PPM1H: variants seen among roughly 807,000 people sequenced by gnomAD.
PPM1H encodes the protein protein phosphatase, Mg2+/Mn2+ dependent 1H.
Under a neutral mutation model 54.9 loss-of-function variants are expected in PPM1H, and 27 were observed. The observed-to-expected ratio is 0.49, with a 90% CI of 0.36 to 0.68. PPM1H has a LOEUF of 0.68. Ranked by LOEUF, PPM1H falls within the 30% of genes least tolerant of loss-of-function variation. The pLI is 0.00. For missense variants in PPM1H, 596 were observed against 667.8 expected (o/e 0.89, Z 1.19); for synonymous variants, 305 against 270.8 (o/e 1.13, Z -1.24).
chr12:62,687,263 A>C (rs1457031365), intron 8 of PPM1H, among the ~76,000 whole-genome samples: 1 of 151,970 alleles, frequency 6.6e-6, no homozygotes, highest in African/African-American at 2.4e-5. Flanking sequence ...TATCTCTTCT[A>C]ATATTATTAC....
chr12:62,840,753 T>C (rs1592628968), intron 1 of PPM1H, among the ~76,000 whole-genome samples: 1 of 152,302 alleles, frequency 6.6e-6, no homozygotes, highest in East Asian at 1.9e-4. Flanking sequence ...CCACGAAATT[T>C]TATAGGAGCT....
intron 2 of PPM1H, among the ~76,000 whole-genome samples, chr12:62,819,952 G>A (rs2076892274): frequency 2.0e-5 from 3 of 152,194 alleles, no homozygotes; most frequent in Admixed American, 1.3e-4. Context: ...CAAAGAGGGC[G>A]AGCCGAAGCA....
At chr12:62,827,004 T>C (rs1868298497) in intron 2 of PPM1H, among the ~76,000 whole-genome samples, 1 of 152,218 alleles carries the variant, frequency 6.6e-6, no homozygotes, top group South Asian at 2.1e-4. Context: ...ACTGTCATCA[T>C]GTTTCTGTTA....
chr12:62,693,035 T>C (rs557416398), intron 7 of PPM1H, among the ~76,000 whole-genome samples: 14 of 152,184 alleles, frequency 9.2e-5, no homozygotes, highest in South Asian at 2.1e-4. Flanking sequence ...TCGTATCGAA[T>C]GCTGGAAAAA....
intron 9 of PPM1H, among the ~76,000 whole-genome samples, chr12:62,649,462 T>G (rs2075804536): frequency 6.6e-6 from 1 of 152,170 alleles, no homozygotes; most frequent in African/African-American, 2.4e-5. Context: ...GGTATGGGCC[T>G]GGGTTAGCCC....
intron 2 of PPM1H, among the ~76,000 whole-genome samples, chr12:62,817,860 A>C (rs1242354685): frequency 2.0e-5 from 3 of 152,164 alleles, no homozygotes; most frequent in Admixed American, 2.0e-4. Context: ...TCCTCTGCTG[A>C]GAAAGATAAT....
At chr12:62,906,042 A>G (rs1871293173) in intron 1 of PPM1H, among the ~76,000 whole-genome samples, 2 of 152,194 alleles carry the variant, frequency 1.3e-5, no homozygotes, top group Non-Finnish European at 2.9e-5. Context: ...CAAATTGTGG[A>G]CAAATATAAA....
intron 1 of PPM1H, among the ~76,000 whole-genome samples, chr12:62,899,630 A>C (rs979760977): frequency 4.6e-5 from 7 of 152,216 alleles, no homozygotes; most frequent in African/African-American, 1.7e-4. Flanking sequence ...CCGCAGGGAC[A>C]GGCCAGCTTT....
At chr12:62,706,509 A>C (rs1003679178) in intron 6 of PPM1H, among the ~76,000 whole-genome samples, 2 of 152,224 alleles carry the variant, frequency 1.3e-5, no homozygotes, top group African/African-American at 4.8e-5. Flanking sequence ...CACATACCCC[A>C]ATGTTTATTA....
At chr12:62,771,138 T>C (rs956390565) in intron 4 of PPM1H, among the ~76,000 whole-genome samples, 1 of 148,312 alleles carries the variant, frequency 6.7e-6, no homozygotes, top group African/African-American at 2.5e-5. Flanking sequence ...AAAGGCTTTG[T>C]TGAAAAAGGA....
At chr12:62,680,538 T>C (rs1472525414) in intron 8 of PPM1H, among the ~76,000 whole-genome samples, 1 of 152,186 alleles carries the variant, frequency 6.6e-6, no homozygotes, top group African/African-American at 2.4e-5. Flanking sequence ...AGCTGCTATG[T>C]TCTGGGAAGT....
chr12:62,763,811 C>T (rs342150), intron 4 of PPM1H, among the ~76,000 whole-genome samples: 54,124 of 152,046 alleles, frequency 0.36, 9,806 homozygotes, highest in Middle Eastern at 0.47. Context: ...AGACCTAAAC[C>T]TGAGGGGTTC....
intron 3 of PPM1H, among the ~76,000 whole-genome samples, chr12:62,798,375 T>C (rs1247602516): frequency 6.6e-6 from 1 of 152,190 alleles, no homozygotes; most frequent in Non-Finnish European, 1.5e-5. Flanking sequence ...CATTCATCTG[T>C]AGTATCTGCT....
intron 4 of PPM1H, among the ~76,000 whole-genome samples, chr12:62,759,977 C>T (rs1216835852): frequency 6.6e-6 from 1 of 152,134 alleles, no homozygotes; most frequent in East Asian, 1.9e-4. Flanking sequence ...TTAAACTTGC[C>T]TCCTTCACTA....
rs1465411501 is a variant in PPM1H at position 62,829,865 on chromosome 12, TAC to T, written c.411+2247_411+2248del. On this transcript the variant is annotated intron_variant, in intron 2 of 9. Transcript: ENST00000228705. Reference sequence around the variant, plus strand: ...CCATATGTCAACACTGACTGATTTTTACAGAGATCACTTTATATCCCAGGGGC... The same window carrying T: ...CCATATGTCAACACTGACTGATTTTTAGAGATCACTTTATATCCCAGGGGC... Among the ~76,000 whole-genome samples the T allele has an allele frequency of 3.9e-5, 6 of 152,250 alleles. No individual in the cohort carries two copies. In the East Asian group the frequency reaches 1.2e-3, roughly 29 times the overall value.
chr12:62,840,092 A>AGAGAGAGAGAG (rs1868686050), intron 1 of PPM1H: 1 of 143,386 alleles, frequency 7.0e-6, no homozygotes, highest in Non-Finnish European at 1.5e-5. Context: ...AGAGCGAGAG[A>AGAGAGAGAGAG]AATAAAAAAC....
chr12:62,876,623 C>T (rs1021695873), intron 1 of PPM1H, among the ~76,000 whole-genome samples: 1 of 152,144 alleles, frequency 6.6e-6, no homozygotes, highest in South Asian at 2.1e-4. Context: ...AGGGTATGTA[C>T]AGTATAGGTC....
At chr12:62,900,948 C>G (rs542291129) in intron 1 of PPM1H, among the ~76,000 whole-genome samples, 1 of 152,126 alleles carries the variant, frequency 6.6e-6, no homozygotes, top group Admixed American at 6.6e-5. Context: ...ATATAATTTC[C>G]GAGTCACATC....
At chr12:62,685,048 T>C (rs894321923) in intron 8 of PPM1H, among the ~76,000 whole-genome samples, 2 of 152,134 alleles carry the variant, frequency 1.3e-5, no homozygotes, top group Non-Finnish European at 2.9e-5. Flanking sequence ...CTGGCTCTGG[T>C]GGAGGCCTCT....
Sources: allele counts gnomAD v4.1 joint callset (sites outside exome capture counted in the v4.1 genomes callset), GRCh38; gene constraint gnomAD v4.1.1; transcripts MANE v1.5; gene names NCBI Gene and HGNC (gene_info 2026-07-23, HGNC 2026-07-21).